SNTG1: variants seen among roughly 807,000 people sequenced by gnomAD.
SNTG1 encodes gamma-1-syntrophin.
A neutral mutation model predicts 74.7 loss-of-function variants in SNTG1; 39 were observed. The ratio of observed to expected loss-of-function variants is 0.52; its 90% CI spans 0.40 to 0.68. The LOEUF (loss-of-function observed/expected upper bound fraction) is 0.68. Among genes scored for constraint, SNTG1 ranks in the 30% least tolerant of loss-of-function variants. SNTG1 has a pLI of 0.00. For synonymous variants in SNTG1, 254 were observed against 217.1 expected (o/e 1.17, Z -1.49); for missense variants, 685 against 609.5 (o/e 1.12, Z -1.30).
At chr8:50,053,623 T>TTGTGTGTGTGTG (rs60947505) in intron 1 of SNTG1, among the ~76,000 whole-genome samples, 6,500 of 134,306 alleles carry the variant, frequency 0.048, 272 homozygotes, top group African/African-American at 0.098. Flanking sequence ...ATATATATAA[T>TTGTGTGTGTGTG]TGTGTGTGTG....
chr8:50,672,578 A>G (rs139668816), intron 15 of SNTG1, among the ~76,000 whole-genome samples: 3,698 of 151,830 alleles, frequency 0.024, 133 homozygotes, highest in African/African-American at 0.081. Context: ...TGTAAATTCT[A>G]GATATTAGAC....
intron 2 of SNTG1, among the ~76,000 whole-genome samples, chr8:50,340,732 A>G (rs1241088236): frequency 6.6e-6 from 1 of 151,916 alleles, no homozygotes; most frequent in Admixed American, 6.6e-5. Context: ...GAAAAATTGG[A>G]CTTCCTTAAA....
chr8:50,060,805 G>A (rs1270263658), intron 1 of SNTG1, among the ~76,000 whole-genome samples: 2 of 151,842 alleles, frequency 1.3e-5, no homozygotes, highest in Admixed American at 6.6e-5. Context: ...CTTTTTTTAT[G>A]TCAGTTTATC....
chr8:50,498,018 A>C (rs950763372), intron 8 of SNTG1, among the ~76,000 whole-genome samples: 2 of 151,804 alleles, frequency 1.3e-5, no homozygotes, highest in African/African-American at 4.8e-5. Context: ...TTACTTTTTG[A>C]TGGACATTTG....
chr8:50,543,066 G>T (rs2094359925), intron 11 of SNTG1, among the ~76,000 whole-genome samples: 3 of 152,014 alleles, frequency 2.0e-5, no homozygotes, highest in African/African-American at 7.2e-5. Flanking sequence ...CTCTTGTGGT[G>T]CAGAAGCTTT....
chr8:50,582,962 A>C (rs2094620828), intron 12 of SNTG1, among the ~76,000 whole-genome samples: 1 of 152,132 alleles, frequency 6.6e-6, no homozygotes, highest in Non-Finnish European at 1.5e-5. Context: ...TCCTTATCAC[A>C]ACTGCAGCAT....
At chr8:50,352,239 CA>C (rs2091683142) in intron 2 of SNTG1, among the ~76,000 whole-genome samples, 1 of 152,096 alleles carries the variant, frequency 6.6e-6, no homozygotes, top group Non-Finnish European at 1.5e-5. Flanking sequence ...GACTGGAAAG[CA>C]ATTTTCAGAA....
At position 50,484,080 on chromosome 8, in the gene SNTG1, T is replaced by TCTTCTTTCTCTC. The variant is rs1563452956; in HGVS notation, c.364-18698_364-18697insCTTCTTTCTCTC. 2.5e-5 allele frequency among the ~76,000 whole-genome samples: 3 copies of TCTTCTTTCTCTC among 117,690 alleles called. No homozygotes were observed. In the South Asian group the frequency reaches 8.6e-4, roughly 34 times the overall value. The allele number at this position is 117,690 out of a possible 152,430, so 77.2% of individuals were successfully genotyped here. A position where few individuals can be genotyped will look rare whatever the true frequency, so the allele number is the denominator to read the frequency against. On this transcript the variant is annotated intron_variant, in intron 8 of 18. Transcript: ENST00000642720. ...TGGATTTTCTTTCTTTCTTTTCTCT[T>TCTTCTTTCTCTC]TTTCTTTCTCTCTTTCTTTCTCTCT... is the stretch of plus-strand genomic sequence containing the variant.
intron 17 of SNTG1, among the ~76,000 whole-genome samples, chr8:50,743,439 A>C (rs1042140172): frequency 1.2e-4 from 18 of 151,936 alleles, no homozygotes; most frequent in Non-Finnish European, 2.4e-4. Context: ...AGAAAAATAC[A>C]CTTGTCAGAA....
At chr8:50,645,343 AT>A (rs200145774) in intron 13 of SNTG1, among the ~76,000 whole-genome samples, 19 of 142,174 alleles carry the variant, frequency 1.3e-4, no homozygotes, top group Non-Finnish European at 2.6e-4. Context: ...TTATTTTGTA[AT>A]TTTTTTTATA....
rs532888654 is a variant in SNTG1 at position 50,065,982 on chromosome 8, C to T, written c.-102-106579C>T. On this transcript the variant is annotated intron_variant, in intron 1 of 18. Coordinates refer to ENST00000642720, the MANE Select transcript of SNTG1 (RefSeq NM_018967.5). ...CTGTAATCCCACCACTTTGGGAGGC[C>T]GAGGCAGGCGGATCACAAGGTCAGG... Among the ~76,000 whole-genome samples, 32 of 152,136 alleles carry T rather than the reference C, an allele frequency of 2.1e-4. 1 individual carries two copies. In the South Asian group the frequency reaches 6.5e-3, roughly 31 times the overall value.
intron 1 of SNTG1, among the ~76,000 whole-genome samples, chr8:50,085,883 G>A (rs143374186): frequency 0.012 from 1,795 of 152,222 alleles, 5 homozygotes; most frequent in Non-Finnish European, 0.018. Flanking sequence ...CACTGAAATC[G>A]GAATCTCTGA....
intron 1 of SNTG1, among the ~76,000 whole-genome samples, chr8:49,925,923 G>A (rs1806980923): frequency 6.6e-6 from 1 of 152,156 alleles, no homozygotes; most frequent in South Asian, 2.1e-4. Flanking sequence ...TTCAGTAATA[G>A]AGAACTGGAA....
At chr8:50,480,527 C>T (rs1326996543) in intron 8 of SNTG1, among the ~76,000 whole-genome samples, 1 of 152,168 alleles carries the variant, frequency 6.6e-6, no homozygotes, top group Non-Finnish European at 1.5e-5. Context: ...TAGCATCACA[C>T]AATCCAAGGA....
At position 50,120,665 on chromosome 8, in the gene SNTG1, C is replaced by T. The variant is rs149271373; in HGVS notation, c.-102-51896C>T. ...CTACCAACCTCACCACCACTATTAC[C>T]GCTGTTATCACCACCAACGCTACTA... On this transcript the variant is annotated intron_variant, in intron 1 of 18. Transcript: ENST00000642720. 3.6e-3 allele frequency among the ~76,000 whole-genome samples: 512 copies of T among 142,108 alleles called. 71 individuals carry two copies. Among genetic ancestry groups the T allele is most frequent in the East Asian group, 0.019 (97 of 4,980 alleles). The allele number at this position is 142,108 out of a possible 152,430, so 93.2% of individuals were successfully genotyped here. A position where few individuals can be genotyped will look rare whatever the true frequency, so the allele number is the denominator to read the frequency against.
chr8:50,200,350 A>G (rs2083937687), intron 2 of SNTG1, among the ~76,000 whole-genome samples: 1 of 152,216 alleles, frequency 6.6e-6, no homozygotes, highest in Non-Finnish European at 1.5e-5. Context: ...AGACTATGAC[A>G]TCAGAAAATC....
chr8:50,259,300 A>T (rs2087038279), intron 2 of SNTG1, among the ~76,000 whole-genome samples: 1 of 151,992 alleles, frequency 6.6e-6, no homozygotes, highest in African/African-American at 2.4e-5. Context: ...GGAGTTTGAG[A>T]CCAGCCCGGC....
intron 1 of SNTG1, among the ~76,000 whole-genome samples, chr8:50,159,546 AT>A (rs1468130725): frequency 6.6e-6 from 1 of 152,114 alleles, no homozygotes; most frequent in Non-Finnish European, 1.5e-5. Context: ...TCTCAATGAG[AT>A]TTTGGTCAAA....
intron 1 of SNTG1, among the ~76,000 whole-genome samples, chr8:49,947,834 TA>T (rs1418273046): frequency 6.6e-6 from 1 of 152,124 alleles, no homozygotes; most frequent in African/African-American, 2.4e-5. Context: ...GTGTTGATAT[TA>T]AAAGTTGATA....
Sources: gnomAD v4.1 joint callset for allele counts (sites outside exome capture counted in the v4.1 genomes callset) on GRCh38, gnomAD v4.1.1 for gene constraint, MANE v1.5 for transcripts, NCBI Gene and HGNC (gene_info 2026-07-23, HGNC 2026-07-21) for gene names.